The following RIMS2 variants were observed in gnomAD, a reference collection of about 807,000 sequenced individuals.
RIMS2 encodes the protein regulating synaptic membrane exocytosis protein 2.
A neutral mutation model predicts 174.4 loss-of-function variants in RIMS2; 59 were observed. The observed-to-expected ratio is 0.34, with a 90% CI of 0.27 to 0.42. RIMS2 has a LOEUF of 0.42. Ranked by LOEUF, RIMS2 falls within the 10% of genes least tolerant of loss-of-function variation. The pLI, the probability that RIMS2 is intolerant of heterozygous loss-of-function variation, is 1.00. For synonymous variants in RIMS2, 606 were observed against 572.5 expected (o/e 1.06, Z -0.84); for missense variants, 1,620 against 1,666.3 (o/e 0.97, Z 0.48).
At chr8:104,190,881 C>T (rs1191359807) in intron 19 of RIMS2, among the ~76,000 whole-genome samples, 1 of 151,938 alleles carries the variant, frequency 6.6e-6, no homozygotes, top group East Asian at 1.9e-4. Context: ...GCTCATTCCT[C>T]CAATCTCACT....
At chr8:103,931,668 T>C (rs2154531798) in intron 12 of RIMS2, among the ~76,000 whole-genome samples, 1 of 152,186 alleles carries the variant, frequency 6.6e-6, no homozygotes, top group South Asian at 2.1e-4. Context: ...AAAGTTATGC[T>C]TCCTAAAATC....
Position 103,748,295 on chromosome 8 carries a change from A to AG in RIMS2, c.388-17932_388-17931insG, listed in dbSNP as rs1778896256. ...TGTCTCTACAAAAAATAAAAAAAAA[A>AG]TTAGCTGGATCTGGTGGTGTGTGCC... On this transcript the variant is annotated intron_variant, in intron 2 of 23. Coordinates refer to ENST00000504942, the Ensembl canonical transcript of RIMS2. Among the ~76,000 whole-genome samples the AG allele has an allele frequency of 5.9e-5, 9 of 152,080 alleles. 1 individual carries two copies. In the South Asian group the frequency reaches 1.9e-3, roughly 32 times the overall value.
intron 1 of RIMS2, among the ~76,000 whole-genome samples, chr8:103,671,981 A>G (rs970081954): frequency 2.6e-5 from 4 of 152,200 alleles, no homozygotes; most frequent in Non-Finnish European, 5.9e-5. Context: ...GGTCACAAAA[A>G]GACAACTTTT....
chr8:103,629,104 A>G (rs1452002893), intron 1 of RIMS2, among the ~76,000 whole-genome samples: 2 of 152,148 alleles, frequency 1.3e-5, no homozygotes, highest in African/African-American at 4.8e-5. Flanking sequence ...CCCTTCAGTA[A>G]TGAGATAGTA....
At chr8:103,812,971 G>A (rs1304082919) in intron 3 of RIMS2, among the ~76,000 whole-genome samples, 1 of 152,138 alleles carries the variant, frequency 6.6e-6, no homozygotes, top group Non-Finnish European at 1.5e-5. Flanking sequence ...AAGAGAGAAT[G>A]CAGTTGTTTC....
At chr8:103,590,741 G>A (rs2094211641) in intron 1 of RIMS2, among the ~76,000 whole-genome samples, 2 of 151,118 alleles carry the variant, frequency 1.3e-5, no homozygotes, top group Non-Finnish European at 3.0e-5. Flanking sequence ...ATGCTATGTA[G>A]ACTATATTCT....
intron 1 of RIMS2, among the ~76,000 whole-genome samples, chr8:103,569,792 T>A (rs1011762094): frequency 2.7e-5 from 4 of 148,468 alleles, no homozygotes; most frequent in African/African-American, 1.0e-4. Flanking sequence ...AATTTTAATT[T>A]TTTTTTTTTT....
At chr8:103,819,931 T>C (rs1037923669) in intron 3 of RIMS2, among the ~76,000 whole-genome samples, 3 of 152,070 alleles carry the variant, frequency 2.0e-5, no homozygotes, top group Non-Finnish European at 2.9e-5. Flanking sequence ...CCGATAGATG[T>C]TTTCTTTGTG....
intron 12 of RIMS2, among the ~76,000 whole-genome samples, chr8:103,932,021 T>C (rs1313692252): frequency 2.0e-5 from 3 of 152,054 alleles, no homozygotes; most frequent in Non-Finnish European, 4.4e-5. Context: ...GGAGAAATAT[T>C]TTATCTGAAA....
intron 1 of RIMS2, among the ~76,000 whole-genome samples, chr8:103,529,486 T>G (rs1390369122): frequency 6.6e-6 from 1 of 152,212 alleles, no homozygotes; most frequent in Non-Finnish European, 1.5e-5. Flanking sequence ...AAGTGCAGTA[T>G]TAGTGTGGGA....
intron 17 of RIMS2, 66 bp downstream of exon 19, chr8:103,989,487 C>A: frequency 1.2e-6 from 1 of 807,654 alleles, no homozygotes; most frequent in Non-Finnish European, 2.0e-6. Flanking sequence ...GAAGGGGTTA[C>A]CATAAAATAT....
At chr8:103,662,448 C>T (rs953950069) in intron 1 of RIMS2, among the ~76,000 whole-genome samples, 2 of 151,838 alleles carry the variant, frequency 1.3e-5, no homozygotes, top group African/African-American at 2.4e-5. Context: ...ATTCTTATAC[C>T]CAGGCAACAG....
intron 7 of RIMS2, 45 bp downstream of exon 10, chr8:103,915,639 T>C: frequency 1.1e-6 from 1 of 939,808 alleles, no homozygotes; most frequent in Non-Finnish European, 1.6e-6. Context: ...CATTCAACTT[T>C]AGTAGTTATG....
At chr8:103,928,949 G>A (rs1177116606) in intron 11 of RIMS2, among the ~76,000 whole-genome samples, 1 of 151,474 alleles carries the variant, frequency 6.6e-6, no homozygotes, top group East Asian at 1.9e-4. Flanking sequence ...ATAAAGTGAT[G>A]TACCTAATAA....
chr8:103,753,809 T>C (rs1212155969), intron 2 of RIMS2, among the ~76,000 whole-genome samples: 2 of 152,232 alleles, frequency 1.3e-5, no homozygotes, highest in Non-Finnish European at 2.9e-5. Context: ...TCTATTTGAT[T>C]CTTCTCTGTT....
intron 19 of RIMS2, among the ~76,000 whole-genome samples, chr8:104,165,942 C>T (rs2098794111): frequency 6.6e-6 from 1 of 151,936 alleles, no homozygotes; most frequent in Non-Finnish European, 1.5e-5. Flanking sequence ...AAATCATAGA[C>T]CTACTCTCAG....
intron 1 of RIMS2, among the ~76,000 whole-genome samples, chr8:103,629,538 A>G (rs554130029): frequency 5.1e-4 from 77 of 152,342 alleles, no homozygotes; most frequent in African/African-American, 1.7e-3. Context: ...GGAAGTAAAA[A>G]AATAGGAAGA....
chr8:103,560,337 A>T (rs1282674619), intron 1 of RIMS2, among the ~76,000 whole-genome samples: 1 of 152,174 alleles, frequency 6.6e-6, no homozygotes, highest in East Asian at 1.9e-4. Context: ...AGATTGCGCC[A>T]TTGCACTCCA....
intron 19 of RIMS2, among the ~76,000 whole-genome samples, chr8:104,039,163 A>G (rs1347940667): frequency 6.6e-6 from 1 of 151,812 alleles, no homozygotes; most frequent in Non-Finnish European, 1.5e-5. Flanking sequence ...ACTGTTTCCA[A>G]TTAAATACTA....
Sources: gnomAD v4.1 joint callset for allele counts (sites outside exome capture counted in the v4.1 genomes callset) on GRCh38, gnomAD v4.1.1 for gene constraint, MANE v1.5 for transcripts, NCBI Gene and HGNC (gene_info 2026-07-23, HGNC 2026-07-21) for gene names.